Variants in OR8K3 observed in about 807,000 individuals in gnomAD.
OR8K3 encodes the protein olfactory receptor family 8 subfamily K member 3 (gene/pseudogene), also known as olfactory receptor 8K3.
For missense variants in OR8K3, 448 were observed against 367.4 expected (o/e 1.22, Z -1.79); for synonymous variants, 167 against 138.8 (o/e 1.20, Z -1.43).
In OR8K3 at chr11:56,319,456, T is replaced by A. The variant is rs1854496043; in HGVS notation, c.*211T>A. 2 of 540,384 alleles carry A rather than the reference T, an allele frequency of 3.7e-6. No homozygotes were observed. The highest frequency in any genetic ancestry group is 3.2e-5 in the Admixed American group (1 of 31,156). 33.5% of individuals were successfully genotyped at this position (540,384 alleles called of 1,614,324 possible). On this transcript the variant is annotated 3_prime_UTR_variant, in exon 3 of 3. Transcript: ENST00000641662. Reference sequence around the variant, plus strand: ...ATGGATAGATGAATTGTATTCACAATAAGTCCATTTTATATAACAGTAGAA... The same window carrying A: ...ATGGATAGATGAATTGTATTCACAAAAAGTCCATTTTATATAACAGTAGAA...
chr11:56,319,180 C>T lies in OR8K3; in HGVS notation c.874C>T (p.Arg292Ter), dbSNP rs142978123. Residue 292 changes from arginine (R) to a stop codon, truncating the protein, a stop_gained, in exon 3 of 3, where the codon CGA becomes TGA. Transcript: ENST00000641662. LOFTEE classifies it low-confidence loss of function (END_TRUNC). ...PMLNPLIYSL[R>*]NKDVKYALRR... is the part of the protein sequence containing the mutation. Reference sequence around the variant, plus strand: ...GTTGAATCCCTTGATCTATAGTTTACGAAACAAAGATGTAAAATATGCCCT... The same window carrying T: ...GTTGAATCCCTTGATCTATAGTTTATGAAACAAAGATGTAAAATATGCCCT... 1.6e-4 allele frequency: 251 copies of T among 1,612,776 alleles called. 1 individual carries two copies. The highest frequency in any genetic ancestry group is 1.9e-4 in the Non-Finnish European group (227 of 1,179,024).
At chr11:56,316,122 T>A (rs1218124038) in intron 2 of OR8K3, 65 bp downstream of exon 2, 1 of 151,952 alleles carries the variant, frequency 6.6e-6, no homozygotes, top group Non-Finnish European at 1.5e-5. Context: ...GCAAACAAAA[T>A]ACAGGATTTA....
intron 1 of OR8K3, among the ~76,000 whole-genome samples, 177 bp downstream of exon 1, chr11:56,315,344 A>G (rs1255628273): frequency 6.6e-6 from 1 of 152,174 alleles, no homozygotes; most frequent in African/African-American, 2.4e-5. Context: ...CTAAGCAGAA[A>G]TAACGGTGCT....
Position 56,318,722 on chromosome 11 carries a change from G to GGGTATGTCA in OR8K3, c.420_428dup (p.Cys141_Val143dup), listed in dbSNP as rs1854481465. ...CTATACACAGTAATCATGTCACGAA[G>GGGTATGTCA]GGTATGTCAGGTGCTGGTAGCAATC... is the stretch of plus-strand genomic sequence containing the variant. On this transcript the variant is annotated inframe_insertion, in exon 3 of 3. Coordinates refer to ENST00000641662, the MANE Select transcript of OR8K3 (RefSeq NM_001005202.2). 1 of 1,613,866 alleles carries GGGTATGTCA rather than the reference G, an allele frequency of 6.2e-7. No individual in the cohort carries two copies. Among genetic ancestry groups the GGGTATGTCA allele is most frequent in the African/African-American group, 1.3e-5 (1 of 74,892 alleles).
chr11:56,316,004 C>A lies in OR8K3; in HGVS notation c.-77C>A, dbSNP rs1854439015. 1 of 151,918 alleles carries A rather than the reference C, an allele frequency of 6.6e-6. No homozygotes were observed. The allele number at this position is 151,918 out of a possible 1,614,324, so 9.4% of individuals were successfully genotyped here. A position where few individuals can be genotyped will look rare whatever the true frequency, so the allele number is the denominator to read the frequency against. On this transcript the variant is annotated 5_prime_UTR_variant, in exon 2 of 3. Coordinates refer to ENST00000641662, the MANE Select transcript of OR8K3 (RefSeq NM_001005202.2). ...GCAATCTGGTTCTTTCCACAGAACT[C>A]CAAAGATGGTGAAAGGAACCTCATT...
intron 2 of OR8K3, among the ~76,000 whole-genome samples, chr11:56,318,007 T>G (rs536626059): frequency 6.6e-6 from 1 of 152,150 alleles, no homozygotes; most frequent in Non-Finnish European, 1.5e-5. Flanking sequence ...TTCTAACCTT[T>G]AGATGCAACA....
In OR8K3 at chr11:56,318,420, AG is replaced by A; in HGVS notation, c.115del (p.Val39Ter). 1 of 1,613,942 alleles carries A rather than the reference AG, an allele frequency of 6.2e-7. No individual in the cohort carries two copies. Among genetic ancestry groups the A allele is most frequent in the Non-Finnish European group, 8.5e-7 (1 of 1,179,864 alleles). On this transcript the variant is annotated frameshift_variant, in exon 3 of 3. Coordinates refer to ENST00000641662, the MANE Select transcript of OR8K3 (RefSeq NM_001005202.2). LOFTEE classifies it low-confidence loss of function (END_TRUNC). ...ALFLMIYVIS[V>X]MGNLGMIVLT... ...TGTTCCTCATGATCTATGTGATCTC[AG>A]TGATGGGCAATTTGGGCATGATTGT...
At position 56,318,944 on chromosome 11, in the gene OR8K3, T is replaced by C; in HGVS notation, c.638T>C (p.Ile213Thr). Residue 213 changes from isoleucine (I) to threonine (T), a missense_variant, in exon 3 of 3, where the codon ATA becomes ACA. By Grantham distance (89) the Ile-to-Thr change is moderately conservative (BLOSUM62 -1). Transcript: ENST00000641662. ...AAIDLISSLL[I>T]VLLSYLLILV... ...ATTGATTTGATTTCATCTCTTCTGA[T>C]AGTTCTTTTATCTTACCTGCTCATC... The C allele has an allele frequency of 1.2e-6, 2 of 1,614,154 alleles. No homozygotes were observed. Among genetic ancestry groups the C allele is most frequent in the South Asian group, 2.2e-5 (2 of 91,084 alleles).
chr11:56,318,412 G>A lies in OR8K3; in HGVS notation c.106G>A (p.Val36Met). The A allele has an allele frequency of 6.2e-7, 1 of 1,613,940 alleles. No individual in the cohort carries two copies. Among genetic ancestry groups the A allele is most frequent in the East Asian group, 2.2e-5 (1 of 44,874 alleles). Residue 36 changes from valine (V) to methionine (M), a missense_variant, in exon 3 of 3, where the codon GTG (valine) becomes ATG (methionine). Coordinates refer to ENST00000641662, the MANE Select transcript of OR8K3 (RefSeq NM_001005202.2). ...PLFALFLMIY[V>M]ISVMGNLGMI... is the part of the protein sequence containing the mutation. ...ATTTGCATTGTTCCTCATGATCTAT[G>A]TGATCTCAGTGATGGGCAATTTGGG... is the stretch of plus-strand genomic sequence containing the variant.
rs1854474416 is a variant in OR8K3, at chr11:56,318,454, A to G, written c.148A>G (p.Lys50Glu). The G allele has an allele frequency of 1.2e-6, 2 of 1,614,020 alleles. No individual in the cohort carries two copies. The highest frequency in any genetic ancestry group is 1.3e-5 in the African/African-American group (1 of 74,934). ...CAATTTGGGCATGATTGTCCTCACC[A>G]AGTTGGACTCCAGGTTGCAAACCCC... ...MGNLGMIVLT[K>E]LDSRLQTPMY... Residue 50 changes from lysine (K) to glutamate (E), a missense_variant, in exon 3 of 3, where the codon AAG becomes GAG. By Grantham distance (56) the Lys-to-Glu change is moderately conservative (BLOSUM62 1). Coordinates refer to ENST00000641662, the MANE Select transcript of OR8K3 (RefSeq NM_001005202.2).
chr11:56,318,375 G>C lies in OR8K3; in HGVS notation c.69G>C (p.Leu23=), dbSNP rs1168282176. The change falls in exon 3 of 3, where the codon CTG becomes CTC. Residue 23 remains leucine, a synonymous_variant. Coordinates refer to ENST00000641662, the MANE Select transcript of OR8K3 (RefSeq NM_001005202.2). The stretch of plus-strand genomic sequence containing the variant: ...CGGGAATCACAGATATCGCTGAGCT[G>C]CAGGCACCATTATTTGCATTGTTCC... ...ILTGITDIAE[L]QAPLFALFLM... 1 of 1,613,516 alleles carries C rather than the reference G, an allele frequency of 6.2e-7. No homozygotes were observed. Among genetic ancestry groups the C allele is most frequent in the Non-Finnish European group, 8.5e-7 (1 of 1,179,594 alleles).
At chr11:56,315,220 T>C (rs1854426303) in intron 1 of OR8K3, 53 bp downstream of exon 1, 1 of 152,020 alleles carries the variant, frequency 6.6e-6, no homozygotes, top group African/African-American at 2.4e-5. Flanking sequence ...GTTACAGATA[T>C]CTATAATGCT....
chr11:56,319,092 G>A lies in OR8K3; in HGVS notation c.786G>A (p.Lys262=). 1 of 1,614,062 alleles carries A rather than the reference G, an allele frequency of 6.2e-7. No homozygotes were observed. Among genetic ancestry groups the A allele is most frequent in the East Asian group, 2.2e-5 (1 of 44,870 alleles). The change falls in exon 3 of 3, where the codon AAG becomes AAA. Residue 262 remains lysine (K), a synonymous_variant. Coordinates refer to ENST00000641662, the MANE Select transcript of OR8K3 (RefSeq NM_001005202.2). ...TGCTTTTCATGTACGTGCAGCCCAA[G>A]TCCAGTCATTCCTTTGACACTGATA... ...GTLLFMYVQP[K]SSHSFDTDKV...
chr11:56,316,456 CTTAGG>C (rs1854444703), intron 2 of OR8K3, among the ~76,000 whole-genome samples: 1 of 151,600 alleles, frequency 6.6e-6, no homozygotes, highest in East Asian at 1.9e-4. Context: ...TAATGATTAT[CTTAGG>C]TTATCATGCC....
intron 1 of OR8K3, 116 bp from the exon 2 acceptor site, chr11:56,315,884 C>T (rs1430384893): frequency 2.6e-5 from 4 of 151,870 alleles, no homozygotes; most frequent in Non-Finnish European, 5.9e-5. Context: ...TCAATTTCCA[C>T]TAAGAGTTGA....
In OR8K3 at chr11:56,319,148, TC is replaced by T; in HGVS notation, c.846del (p.Met283CysfsTer2). The T allele has an allele frequency of 6.2e-7, 1 of 1,613,474 alleles. No homozygotes were observed. The highest frequency in any genetic ancestry group is 8.5e-7 in the Non-Finnish European group (1 of 1,179,404). ...KVASIFYTLV[I>X]PMLNPLIYSL... is the part of the protein sequence containing the mutation. ...GCTTCCATATTTTACACCCTGGTTA[TC>T]CCCATGTTGAATCCCTTGATCTATA... On this transcript the variant is annotated frameshift_variant, in exon 3 of 3. Transcript: ENST00000641662. LOFTEE classifies it low-confidence loss of function (END_TRUNC).
In OR8K3 at chr11:56,320,620, T is replaced by C. The variant is rs936006508; in HGVS notation, c.*1375T>C. On this transcript the variant is annotated 3_prime_UTR_variant, in exon 3 of 3. Coordinates refer to ENST00000641662, the MANE Select transcript of OR8K3 (RefSeq NM_001005202.2). ...AAATTAAACATTGCATAGCACATTG[T>C]CATGTGAGGATAAATATTACCATAT... 2.6e-5 allele frequency: 4 copies of C among 152,208 alleles called. No homozygotes were observed. Among genetic ancestry groups the C allele is most frequent in the African/African-American group, 7.2e-5 (3 of 41,450 alleles). 9.4% of individuals were successfully genotyped at this position (152,208 alleles called of 1,614,324 possible).
rs1854509290 is a variant in OR8K3, at chr11:56,320,384, A to C, written c.*1139A>C. The C allele has an allele frequency of 6.6e-6, 1 of 152,240 alleles. No homozygotes were observed. The highest frequency in any genetic ancestry group is 2.1e-4 in the South Asian group (1 of 4,838). 9.4% of individuals were successfully genotyped at this position (152,240 alleles called of 1,614,324 possible). A position where few individuals can be genotyped will look rare whatever the true frequency, so the allele number is the denominator to read the frequency against. On this transcript the variant is annotated 3_prime_UTR_variant, in exon 3 of 3. Coordinates refer to ENST00000641662, the MANE Select transcript of OR8K3 (RefSeq NM_001005202.2). ...ACCATGCAAGTGAGGTCTGATCTGT[A>C]TGCAATGATATCGTTATCTTGCCTT...
rs779332774 is a variant in OR8K3 at position 56,319,142 on chromosome 11, T to A, written c.836T>A (p.Leu279Gln). The change falls in exon 3 of 3, where the codon CTG becomes CAG. Residue 279 changes from leucine to glutamine, a missense_variant. Transcript: ENST00000641662. ...AAAGTGGCTTCCATATTTTACACCC[T>A]GGTTATCCCCATGTTGAATCCCTTG... ...TDKVASIFYT[L>Q]VIPMLNPLIY... 62 of 1,613,468 alleles carry A rather than the reference T, an allele frequency of 3.8e-5. No individual in the cohort carries two copies. Among genetic ancestry groups the A allele is most frequent in the Non-Finnish European group, 5.2e-5 (61 of 1,179,480 alleles).
Sources: allele counts gnomAD v4.1 joint callset (sites outside exome capture counted in the v4.1 genomes callset), GRCh38; gene constraint gnomAD v4.1.1; transcripts MANE v1.5; gene names NCBI Gene and HGNC (gene_info 2026-07-23, HGNC 2026-07-21).